ANO1: variants seen among roughly 807,000 people sequenced by gnomAD.
ANO1 encodes anoctamin 1.
A neutral mutation model predicts 124.0 loss-of-function variants in ANO1; 59 were observed. The ratio of observed to expected loss-of-function variants is 0.48; its 90% CI spans 0.39 to 0.59. The LOEUF is 0.59. Among genes scored for constraint, ANO1 ranks in the 20% least tolerant of loss-of-function variants. The pLI is 0.00. For synonymous variants in ANO1, 529 were observed against 532.0 expected, an observed-to-expected ratio of 0.99 and a Z score of 0.08; for missense variants, 1,059 against 1,328.0, an observed-to-expected ratio of 0.80 and a Z score of 3.15.
chr11:70,163,578 A>G (rs1390827986), intron 19 of ANO1: 2 of 608,900 alleles, frequency 3.3e-6, no homozygotes, highest in African/African-American at 3.7e-5. Context: ...TTAATGAAAG[A>G]AAAACACAAC....
upstream of ANO1, among the ~76,000 whole-genome samples, chr11:69,984,577 C>A (rs75130418): frequency 0.092 from 13,969 of 151,958 alleles, 823 homozygotes; most frequent in East Asian, 0.18. Context: ...CAAGAGCAAG[C>A]GCTTTCCTCC....
intron 1 of ANO1, chr11:70,085,288 T>C (rs1470879138): frequency 8.3e-7 from 1 of 1,199,962 alleles, no homozygotes; most frequent in African/African-American, 1.5e-5. Flanking sequence ...GGGAACCCAC[T>C]GCCCTCAAAA....
Position 70,126,306 on chromosome 11 carries a change from C to T in ANO1, c.1097+111C>T, listed in dbSNP as rs564471118. The T allele has an allele frequency of 1.5e-5, 20 of 1,342,322 alleles. No individual in the cohort carries two copies. The South Asian group carries it at 2.9e-4, about 19-fold the overall frequency. The allele number at this position is 1,342,322 out of a possible 1,614,324, so 83.2% of individuals were successfully genotyped here. On this transcript the variant is annotated intron_variant, in intron 10 of 25. Coordinates refer to ENST00000355303, the MANE Select transcript of ANO1 (RefSeq NM_018043.7). ...GGCCTCTCACACCAATTCCTGTACA[C>T]ATGAAACCTCACGCCAAGCCACGAG... is the stretch of plus-strand genomic sequence containing the variant.
intron 7 of ANO1, among the ~76,000 whole-genome samples, chr11:70,116,226 C>T (rs2515244): frequency 0.68 from 103,527 of 152,132 alleles, 35,714 homozygotes; most frequent in Admixed American, 0.76. Flanking sequence ...CGGCTCAGGC[C>T]GTCCTGGTGG....
chr11:70,085,313 AC>A lies in ANO1; in HGVS notation c.109-2436del, dbSNP rs2044329030. ...TGCCCTCAAAAGCCAGCCCTCCCCC[AC>A]CCTTCCCCCTGAGCCCTCCCAAGCC... On this transcript the variant is annotated intron_variant, in intron 1 of 25. Transcript: ENST00000355303. 12 of 1,118,180 alleles carry A rather than the reference AC, an allele frequency of 1.1e-5. No individual in the cohort carries two copies. The East Asian group carries it at 4.0e-4, about 37-fold the overall frequency. 69.3% of individuals were successfully genotyped at this position (1,118,180 alleles called of 1,614,324 possible).
At chr11:70,152,357 A>G in intron 12 of ANO1, 93 bp from the exon 13 acceptor site, 1 of 922,372 alleles carries the variant, frequency 1.1e-6, no homozygotes, top group South Asian at 1.6e-5. Context: ...AAAAAAAAAA[A>G]GTTGTCCTTA....
intron 5 of ANO1, among the ~76,000 whole-genome samples, chr11:70,107,131 TA>T (rs1210098468): frequency 6.6e-6 from 1 of 152,064 alleles, no homozygotes; most frequent in Non-Finnish European, 1.5e-5. Context: ...CAGAACCGAT[TA>T]GATCTGAGGG....
rs200606553 is a variant in ANO1, at chr11:70,167,291, C to G, written c.2101C>G (p.Pro701Ala). 2.4e-4 allele frequency: 393 copies of G among 1,613,878 alleles called. No individual in the cohort carries two copies. The highest frequency in any genetic ancestry group is 2.8e-4 in the Non-Finnish European group (331 of 1,179,892). The stretch of plus-strand genomic sequence containing the variant: ...CCTGAAGCTGAAGCAGCAGAGCCCC[C>G]CTGACCACGAGGAGTGTGTGAAGAG... ...RYLKLKQQSP[P>A]DHEECVKRKQ... is the part of the protein sequence containing the mutation. Residue 701 changes from proline to alanine, a missense_variant, in exon 21 of 26, where the codon CCT (proline) becomes GCT (alanine). Physicochemically the swap from Pro to Ala is conservative, Grantham distance 27. This residue lies in a region of ANO1 where 809 missense variants were observed against 1,094.9 expected (regional missense o/e 0.74). Coordinates refer to ENST00000355303, the MANE Select transcript of ANO1 (RefSeq NM_018043.7).
At chr11:69,999,424 C>T (rs1040745200) in intron 1 of ANO1, among the ~76,000 whole-genome samples, 7 of 152,160 alleles carry the variant, frequency 4.6e-5, no homozygotes, top group African/African-American at 1.7e-4. Flanking sequence ...GACGACATTT[C>T]GATATGAGAT....
At chr11:70,002,472 A>T (rs1242770693) in intron 1 of ANO1, among the ~76,000 whole-genome samples, 1 of 151,544 alleles carries the variant, frequency 6.6e-6, no homozygotes, top group African/African-American at 2.4e-5. Context: ...AAAAAAAAAA[A>T]AAAAACACCA....
intron 11 of ANO1, among the ~76,000 whole-genome samples, chr11:70,140,006 G>A (rs2047091394): frequency 6.6e-6 from 1 of 152,182 alleles, no homozygotes; most frequent in African/African-American, 2.4e-5. Flanking sequence ...CTTCCCTTTG[G>A]GAGCTGCGCT....
intron 11 of ANO1, among the ~76,000 whole-genome samples, chr11:70,139,101 T>A (rs117272184): frequency 6.6e-6 from 1 of 152,210 alleles, no homozygotes; most frequent in Non-Finnish European, 1.5e-5. Flanking sequence ...TCCATGTTGC[T>A]GCAAAGGCCT....
chr11:69,992,215 T>TGG (rs1856168655), intron 1 of ANO1, among the ~76,000 whole-genome samples: 3 of 132,956 alleles, frequency 2.3e-5, no homozygotes, highest in Admixed American at 8.2e-5. Context: ...GACGAATGGA[T>TGG]AGATGGATGG....
At chr11:69,977,168 G>A in the ANO1 span, among the ~76,000 whole-genome samples, 1 of 152,294 alleles carries the variant, frequency 6.6e-6, no homozygotes. Context: ...GGGGACAGGT[G>A]TAGCCCCCCA....
chr11:70,042,612 A>G (rs1252557385), intron 1 of ANO1, among the ~76,000 whole-genome samples: 1 of 152,158 alleles, frequency 6.6e-6, no homozygotes, highest in Non-Finnish European at 1.5e-5. Context: ...CTGAGTACTA[A>G]TCTACATAAG....
At chr11:70,074,689 G>T (rs2044034718), upstream of ANO1, among the ~76,000 whole-genome samples, 1 of 152,210 alleles carries the variant, frequency 6.6e-6, no homozygotes, top group Non-Finnish European at 1.5e-5. Flanking sequence ...TCCCCTGGAG[G>T]ATATTTGACA....
At chr11:70,073,613 G>A (rs140515328), upstream of ANO1, among the ~76,000 whole-genome samples, 45 of 152,240 alleles carry the variant, frequency 3.0e-4, 1 homozygote, top group East Asian at 7.2e-3. Context: ...GGCTGGAGTC[G>A]AGGATGGAAG....
chr11:69,993,191 CT>C (rs1375712429), intron 1 of ANO1, among the ~76,000 whole-genome samples: 3 of 152,316 alleles, frequency 2.0e-5, no homozygotes, highest in East Asian at 3.9e-4. Context: ...TTGTTTGCCC[CT>C]GGGTGTGGTG....
chr11:70,178,975 T>C (rs544987120), intron 22 of ANO1, among the ~76,000 whole-genome samples: 1 of 152,372 alleles, frequency 6.6e-6, no homozygotes, highest in East Asian at 1.9e-4. Context: ...CATCTGAGCC[T>C]GTGGTTTCTA....
Sources: gnomAD v4.1 joint callset for allele counts (sites outside exome capture counted in the v4.1 genomes callset) on GRCh38, gnomAD v4.1.1 for gene constraint, gnomAD v4.1.1 regional missense constraint, MANE v1.5 for transcripts, NCBI Gene and HGNC (gene_info 2026-07-23, HGNC 2026-07-21) for gene names.